Variants in FNIP2 observed in about 807,000 individuals in gnomAD.
FNIP2 encodes the protein folliculin-interacting protein 2.
FNIP2 carries 32 observed loss-of-function variants against 108.7 expected under a neutral mutation model. The ratio of observed to expected loss-of-function variants is 0.29; its 90% CI spans 0.22 to 0.40. The LOEUF is 0.40. Ranked by LOEUF, FNIP2 falls within the 10% of genes least tolerant of loss-of-function variation. The pLI, the probability that FNIP2 is intolerant of heterozygous loss-of-function variation, is 1.00. For synonymous variants in FNIP2, 480 were observed against 496.7 expected, an observed-to-expected ratio of 0.97 and a Z score of 0.45; for missense variants, 1,202 against 1,381.6, an observed-to-expected ratio of 0.87 and a Z score of 2.06.
chr4:158,808,277 G>T (rs1011074527), intron 1 of FNIP2, among the ~76,000 whole-genome samples: 5 of 152,192 alleles, frequency 3.3e-5, no homozygotes, highest in African/African-American at 1.2e-4. Flanking sequence ...GACATAATAT[G>T]CAGGGCCAAT....
intron 15 of FNIP2, chr4:158,893,596 G>C: frequency 1.0e-6 from 1 of 1,003,980 alleles, no homozygotes; most frequent in East Asian, 2.6e-5. Context: ...CATCTGTCCT[G>C]GGGCAATATG....
intron 12 of FNIP2, among the ~76,000 whole-genome samples, chr4:158,865,409 A>AG (rs1399783746): frequency 6.6e-6 from 1 of 152,194 alleles, no homozygotes; most frequent in African/African-American, 2.4e-5. Context: ...TATTTTATGA[A>AG]GTTTGGCTAT....
chr4:158,769,997 A>C (rs1276833037), intron 1 of FNIP2, among the ~76,000 whole-genome samples: 1 of 152,140 alleles, frequency 6.6e-6, no homozygotes, highest in Non-Finnish European at 1.5e-5. Flanking sequence ...ATTTATGGAG[A>C]GCTTACTACC....
Position 158,829,047 on chromosome 4 carries a change from A to ATCTTTTACCTTGCCTG in FNIP2, c.235-28_235-13dup, listed in dbSNP as rs758936235. On this transcript the variant is annotated intron_variant, in intron 2 of 16. Coordinates refer to ENST00000264433, the MANE Select transcript of FNIP2 (RefSeq NM_020840.3). ...GTTGACGAACCTGATATACTTAGTA[A>ATCTTTTACCTTGCCTG]TCTTTTACCTTGCCTGTCTCTCTTA... 2.6e-6 allele frequency: 4 copies of ATCTTTTACCTTGCCTG among 1,540,562 alleles called. No individual in the cohort carries two copies. The South Asian group carries it at 4.9e-5, about 19-fold the overall frequency.
chr4:158,778,686 A>G (rs1238605868), intron 1 of FNIP2, among the ~76,000 whole-genome samples: 2 of 152,234 alleles, frequency 1.3e-5, no homozygotes, highest in African/African-American at 2.4e-5. Flanking sequence ...TATCATAGGT[A>G]TGTATGGGAA....
intron 1 of FNIP2, among the ~76,000 whole-genome samples, chr4:158,813,124 A>T (rs1418265874): frequency 2.0e-5 from 3 of 152,170 alleles, no homozygotes; most frequent in Admixed American, 2.0e-4. Flanking sequence ...TGCGTACTGA[A>T]GGATGTCTTG....
intron 14 of FNIP2, among the ~76,000 whole-genome samples, chr4:158,884,866 C>T (rs1781933866): frequency 6.6e-6 from 1 of 151,836 alleles, no homozygotes; most frequent in Non-Finnish European, 1.5e-5. Context: ...CTCGGCCAGC[C>T]ACAGAGGCTC....
chr4:158,823,256 G>A (rs781653523), intron 1 of FNIP2, among the ~76,000 whole-genome samples: 1 of 151,946 alleles, frequency 6.6e-6, no homozygotes, highest in Non-Finnish European at 1.5e-5. Context: ...CCTTTTTAAT[G>A]ACCTCATTTT....
At chr4:158,854,562 G>C (rs1413630390) in intron 8 of FNIP2, among the ~76,000 whole-genome samples, 1 of 152,206 alleles carries the variant, frequency 6.6e-6, no homozygotes, top group Non-Finnish European at 1.5e-5. Flanking sequence ...AAGGGTCATG[G>C]CTCCTGTAAC....
intron 12 of FNIP2, among the ~76,000 whole-genome samples, chr4:158,864,437 T>C (rs946116781): frequency 1.3e-5 from 2 of 152,222 alleles, no homozygotes; most frequent in African/African-American, 4.8e-5. Flanking sequence ...GTGTAGGGTA[T>C]AAGGAGACAC....
At chr4:158,861,224 T>G in intron 10 of FNIP2, 118 bp from the exon 11 acceptor site, 1 of 1,213,470 alleles carries the variant, frequency 8.2e-7, no homozygotes, top group Non-Finnish European at 1.1e-6. Flanking sequence ...TGTGTGGAGC[T>G]TGAATCTTTT....
intron 1 of FNIP2, among the ~76,000 whole-genome samples, chr4:158,770,579 A>G (rs184983407): frequency 6.6e-6 from 1 of 152,274 alleles, no homozygotes; most frequent in Non-Finnish European, 1.5e-5. Context: ...ACGCGCGCTC[A>G]TGGAAGGCAT....
At chr4:158,826,374 G>A (rs924554965) in intron 2 of FNIP2, among the ~76,000 whole-genome samples, 1 of 152,206 alleles carries the variant, frequency 6.6e-6, no homozygotes, top group African/African-American at 2.4e-5. Context: ...AATGTAATGG[G>A]AAAGCAGAAC....
chr4:158,907,316 C>T lies in FNIP2; in HGVS notation c.*2772C>T, dbSNP rs1488125586. ...TTTGTACAGGCTTCAATCCATTTTT[C>T]GAAGTGTGCTGTTTTTTAATGAAAG... On this transcript the variant is annotated 3_prime_UTR_variant, in exon 17 of 17. Transcript: ENST00000264433. 2.0e-5 allele frequency: 3 copies of T among 152,080 alleles called. No homozygotes were observed. Among genetic ancestry groups the T allele is most frequent in the African/African-American group, 4.8e-5 (2 of 41,416 alleles). The allele number at this position is 152,080 out of a possible 1,614,324, so 9.4% of individuals were successfully genotyped here. A position where few individuals can be genotyped will look rare whatever the true frequency, so the allele number is the denominator to read the frequency against.
intron 1 of FNIP2, among the ~76,000 whole-genome samples, chr4:158,788,517 TG>T (rs1776297920): frequency 6.6e-6 from 1 of 152,232 alleles, no homozygotes; most frequent in Non-Finnish European, 1.5e-5. Flanking sequence ...TTGGGGTTTT[TG>T]ATGGGTGATT....
At chr4:158,898,767 A>G (rs1251418823) in intron 16 of FNIP2, among the ~76,000 whole-genome samples, 1 of 152,238 alleles carries the variant, frequency 6.6e-6, no homozygotes, top group Admixed American at 6.5e-5. Context: ...ATATACAATC[A>G]TGTCATCTGC....
intron 1 of FNIP2, among the ~76,000 whole-genome samples, chr4:158,777,634 G>C (rs955126066): frequency 5.9e-5 from 9 of 152,152 alleles, no homozygotes; most frequent in African/African-American, 2.2e-4. Context: ...AGAAGGGGGC[G>C]GCCGGAACTA....
In FNIP2 at chr4:158,905,381, A is replaced by G. The variant is rs1729740494; in HGVS notation, c.*837A>G. ...TTAAGAGAGGCCACTTACCAAAGTT[A>G]TTTCTATAAGCTCAAGAGTGTTTCG... On this transcript the variant is annotated 3_prime_UTR_variant, in exon 17 of 17. Coordinates refer to ENST00000264433, the MANE Select transcript of FNIP2 (RefSeq NM_020840.3). The G allele has an allele frequency of 6.6e-6, 1 of 152,180 alleles. No homozygotes were observed. Among genetic ancestry groups the G allele is most frequent in the Admixed American group, 6.5e-5 (1 of 15,272 alleles). 9.4% of individuals were successfully genotyped at this position (152,180 alleles called of 1,614,324 possible). A position where few individuals can be genotyped will look rare whatever the true frequency, so the allele number is the denominator to read the frequency against.
Position 158,868,720 on chromosome 4 carries a change from C to G in FNIP2, c.2084C>G (p.Pro695Arg), listed in dbSNP as rs1780739518. The change falls in exon 13 of 17, where the codon CCA becomes CGA. Residue 695 changes from proline (P) to arginine (R), a missense_variant. By Grantham distance (103) the Pro-to-Arg change is moderately radical. This residue lies in a region of FNIP2 where 878 missense variants were observed against 990.3 expected (regional missense o/e 0.89). Coordinates refer to ENST00000264433, the MANE Select transcript of FNIP2 (RefSeq NM_020840.3). This position sits in a 1 kb window ranked among gnomAD's most constrained non-coding sequence, Gnocchi z 4.6. Reference protein sequence around the residue: ...LLKVEMPTRLPDRSVAWPCPD... With the variant: ...LLKVEMPTRLRDRSVAWPCPD... ...AAAGTGGAGATGCCTACAAGACTGC[C>G]AGACCGGTCAGTGGCCTGGCCTTGC... is the stretch of plus-strand genomic sequence containing the variant. 1 of 1,613,894 alleles carries G rather than the reference C, an allele frequency of 6.2e-7. No individual in the cohort carries two copies. Among genetic ancestry groups the G allele is most frequent in the African/African-American group, 1.3e-5 (1 of 74,940 alleles).
Sources: allele counts gnomAD v4.1 joint callset (sites outside exome capture counted in the v4.1 genomes callset), GRCh38; gene constraint gnomAD v4.1.1; regional missense constraint gnomAD v4.1.1; non-coding constraint Gnocchi (gnomAD v3.1); transcripts MANE v1.5; gene names NCBI Gene and HGNC (gene_info 2026-07-23, HGNC 2026-07-21).